Variants in RAD51B observed in about 807,000 individuals in gnomAD.
The protein encoded by RAD51B is RAD51 paralog B.
Under a neutral mutation model 42.2 loss-of-function variants are expected in RAD51B, and 38 were observed. That is an observed-to-expected ratio of 0.90 (90% CI 0.70 to 1.18). RAD51B has a LOEUF of 1.18. Among genes scored for constraint, RAD51B ranks in the 50% most tolerant of loss-of-function variants. The probability of loss-of-function intolerance (pLI) is 0.00; values close to 1 mark genes in which losing one functional copy is unlikely to be tolerated. For missense variants in RAD51B, 373 were observed against 400.7 expected (o/e 0.93, Z 0.59); for synonymous variants, 154 against 145.2 (o/e 1.06, Z -0.43).
intron 7 of RAD51B, among the ~76,000 whole-genome samples, chr14:68,254,675 T>C (rs959341009): frequency 3.9e-5 from 6 of 152,268 alleles, no homozygotes; most frequent in African/African-American, 1.2e-4. Context: ...ACTATATTTC[T>C]ATAAAATTAG....
At chr14:68,569,056 G>A (rs1424077226) in intron 10 of RAD51B, among the ~76,000 whole-genome samples, 1 of 152,188 alleles carries the variant, frequency 6.6e-6, no homozygotes, top group Non-Finnish European at 1.5e-5. Context: ...TAAAACAGCT[G>A]AGGCCCAATG....
chr14:68,114,641 A>T (rs1173206431), intron 7 of RAD51B, among the ~76,000 whole-genome samples: 2 of 152,136 alleles, frequency 1.3e-5, no homozygotes, highest in East Asian at 1.9e-4. Flanking sequence ...TTATCAACTT[A>T]TGTTTCATTG....
intron 10 of RAD51B, among the ~76,000 whole-genome samples, chr14:68,544,174 A>G (rs982415063): frequency 6.6e-6 from 1 of 152,218 alleles, no homozygotes; most frequent in African/African-American, 2.4e-5. Flanking sequence ...ATTTACACCA[A>G]GCCTGCATCC....
intron 10 of RAD51B, chr14:68,497,282 A>G: frequency 7.7e-7 from 1 of 1,292,054 alleles, no homozygotes; most frequent in Non-Finnish European, 1.0e-6. Context: ...GTGTAGACTC[A>G]GCTTAAGTCA....
rs569209593 is a variant in RAD51B, at chr14:67,837,717, T to C, written c.315+2521T>C. Among the ~76,000 whole-genome samples the C allele has an allele frequency of 4.6e-5, 7 of 152,328 alleles. No homozygotes were observed. In the South Asian group the frequency reaches 1.5e-3, roughly 32 times the overall value. ...TGGGGTACAGTGTGATATTCTGATA[T>C]GTGTGTGCAATGTATAATGATCAAA... On this transcript the variant is annotated intron_variant, in intron 4 of 10. Coordinates refer to ENST00000471583, the MANE Select transcript of RAD51B (RefSeq NM_133510.4).
intron 7 of RAD51B, among the ~76,000 whole-genome samples, chr14:67,999,924 G>T (rs546029939): frequency 6.6e-6 from 1 of 152,080 alleles, no homozygotes; most frequent in Non-Finnish European, 1.5e-5. Flanking sequence ...GGTGTAAAAC[G>T]TGGGGAAGGC....
chr14:68,349,923 T>C (rs561822694), intron 8 of RAD51B, among the ~76,000 whole-genome samples: 1 of 152,178 alleles, frequency 6.6e-6, no homozygotes, highest in South Asian at 2.1e-4. Context: ...AAATTACACA[T>C]AGATGCAAGC....
chr14:68,420,451 A>G (rs1347268271), intron 9 of RAD51B, among the ~76,000 whole-genome samples: 1 of 151,958 alleles, frequency 6.6e-6, no homozygotes, highest in African/African-American at 2.4e-5. Flanking sequence ...TTTTTATTAT[A>G]TGCTAAACAA....
At chr14:68,470,678 A>G (rs912441532) in intron 10 of RAD51B, 15 of 461,614 alleles carry the variant, frequency 3.2e-5, no homozygotes, top group African/African-American at 2.6e-4. Flanking sequence ...ATCAGATTAT[A>G]TCACACATAT....
chr14:67,860,003 G>A (rs1404338554), intron 4 of RAD51B, among the ~76,000 whole-genome samples: 2 of 152,068 alleles, frequency 1.3e-5, no homozygotes, highest in Non-Finnish European at 2.9e-5. Flanking sequence ...TGTATTTTTA[G>A]TAGAGACGAG....
chr14:68,138,874 T>C (rs936514956), intron 7 of RAD51B, among the ~76,000 whole-genome samples: 4 of 152,176 alleles, frequency 2.6e-5, no homozygotes, highest in African/African-American at 9.7e-5. Flanking sequence ...ATGAGAATGG[T>C]TCTTTTAGTA....
chr14:68,211,265 C>T (rs2079699611), intron 7 of RAD51B, among the ~76,000 whole-genome samples: 1 of 152,198 alleles, frequency 6.6e-6, no homozygotes, highest in African/African-American at 2.4e-5. Flanking sequence ...TATAAGGCTA[C>T]TTCCACTTTT....
intron 7 of RAD51B, among the ~76,000 whole-genome samples, chr14:68,091,510 G>A (rs1489827310): frequency 6.6e-6 from 1 of 152,180 alleles, no homozygotes; most frequent in Non-Finnish European, 1.5e-5. Context: ...CTTTTGAGAA[G>A]TGTCTGTTCA....
rs1179351434 is a variant in RAD51B at position 68,411,411 on chromosome 14, C to T, written c.854-13C>T. On this transcript the variant is annotated splice_polypyrimidine_tract_variant and intron_variant, in intron 8 of 10. Coordinates refer to ENST00000471583, the MANE Select transcript of RAD51B (RefSeq NM_133510.4). ...AGGGCATCTGAAAGCGTGCTTTTAC[C>T]ATTTCATTTCAGGCACTTCTGGATC... The T allele has an allele frequency of 6.2e-7, 1 of 1,611,434 alleles. No homozygotes were observed. The highest frequency in any genetic ancestry group is 1.1e-5 in the South Asian group (1 of 91,028).
At chr14:68,305,255 G>C (rs1297745887) in intron 8 of RAD51B, among the ~76,000 whole-genome samples, 1 of 152,164 alleles carries the variant, frequency 6.6e-6, no homozygotes, top group Non-Finnish European at 1.5e-5. Flanking sequence ...TCATTCAATT[G>C]TTCATTCATT....
intron 7 of RAD51B, among the ~76,000 whole-genome samples, chr14:68,225,185 TCAG>T (rs2080012283): frequency 6.6e-6 from 1 of 152,228 alleles, no homozygotes; most frequent in Non-Finnish European, 1.5e-5. Context: ...AAATTGTACT[TCAG>T]CAACTCATTG....
intron 10 of RAD51B, among the ~76,000 whole-genome samples, chr14:68,639,116 C>T (rs1489742285): frequency 6.6e-6 from 1 of 152,016 alleles, no homozygotes; most frequent in African/African-American, 2.4e-5. Context: ...GGGGAGAGCC[C>T]AAGAACACAA....
intron 7 of RAD51B, among the ~76,000 whole-genome samples, chr14:68,052,056 A>G (rs1197550422): frequency 6.6e-6 from 1 of 152,056 alleles, no homozygotes; most frequent in Non-Finnish European, 1.5e-5. Flanking sequence ...CAGACCATAG[A>G]CTCTTAATTT....
At chr14:68,504,902 T>C (rs1172902761) in intron 10 of RAD51B, among the ~76,000 whole-genome samples, 1 of 152,088 alleles carries the variant, frequency 6.6e-6, no homozygotes, top group African/African-American at 2.4e-5. Flanking sequence ...TTATTCCTAA[T>C]TTGTGAACTG....
Sources: allele counts gnomAD v4.1 joint callset (sites outside exome capture counted in the v4.1 genomes callset), GRCh38; gene constraint gnomAD v4.1.1; transcripts MANE v1.5; gene names NCBI Gene and HGNC (gene_info 2026-07-23, HGNC 2026-07-21).